Variants in PIEZO2 observed in about 807,000 individuals in gnomAD.
PIEZO2 encodes piezo type mechanosensitive ion channel component 2, also known as piezo-type mechanosensitive ion channel component 2.
In PIEZO2, 172 loss-of-function variants were observed where a neutral mutation model predicts 337.3. That is an observed-to-expected ratio of 0.51 (90% CI 0.45 to 0.58). PIEZO2 has a LOEUF of 0.58. PIEZO2 is among the 20% of genes least tolerant of loss of function. The pLI is 0.00. For missense variants in PIEZO2, 3,028 were observed against 3,391.3 expected, an observed-to-expected ratio of 0.89 and a Z score of 2.66; for synonymous variants, 1,251 against 1,228.5, an observed-to-expected ratio of 1.02 and a Z score of -0.38.
At position 10,682,136 on chromosome 18, in the gene PIEZO2, C is replaced by T. The variant is rs958875770; in HGVS notation, c.7654G>A (p.Val2552Ile). 8 of 1,536,882 alleles carry T rather than the reference C, an allele frequency of 5.2e-6. No individual in the cohort carries two copies. The highest frequency in any genetic ancestry group is 2.4e-5 in the East Asian group (1 of 40,928). ...VAGVINQPLD[V>I]SVTITLGGYQ... is the part of the protein sequence containing the mutation. Reference sequence around the variant, plus strand: ...CCTCCCAGGGTAATTGTGACGGAGACGTCCAGGGGCTGGTTGATGACCCCA... The same window carrying T: ...CCTCCCAGGGTAATTGTGACGGAGATGTCCAGGGGCTGGTTGATGACCCCA... The change falls in exon 50 of 56, where the codon GTC becomes ATC. Residue 2552 changes from valine (V) to isoleucine (I), a missense_variant. Val to Ile is a conservative substitution (Grantham distance 29). This residue lies in a region of PIEZO2 where 179 missense variants were observed against 281.8 expected (regional missense o/e 0.64). Transcript: ENST00000674853. This position sits in a 1 kb window ranked among gnomAD's most constrained non-coding sequence, Gnocchi z 5.6.
chr18:10,892,285 AAATT>A (rs764174834), intron 4 of PIEZO2, among the ~76,000 whole-genome samples: 70 of 152,308 alleles, frequency 4.6e-4, no homozygotes, highest in Non-Finnish European at 8.2e-4. Flanking sequence ...TTATAAATAA[AAATT>A]AATTAATTAA....
chr18:10,686,284 G>A (rs1360550052), intron 49 of PIEZO2, among the ~76,000 whole-genome samples: 1 of 152,168 alleles, frequency 6.6e-6, no homozygotes, highest in Admixed American at 6.5e-5. Context: ...CAGTATTCAC[G>A]TATCCCAAAC....
chr18:10,844,352 G>A (rs1464298508), intron 7 of PIEZO2, among the ~76,000 whole-genome samples: 4 of 150,850 alleles, frequency 2.7e-5, no homozygotes, highest in African/African-American at 7.3e-5. Flanking sequence ...TCTCGGAGGC[G>A]GGAGTTGCAG....
In PIEZO2 at chr18:10,870,088, C is replaced by T. The variant is rs911120330; in HGVS notation, c.492+1165G>A. ...ACAGGGTTTCACCATGTTGGCCAGG[C>T]TGGTCTCGAACTCATGACCTCAGGT... is the stretch of plus-strand genomic sequence containing the variant. On this transcript the variant is annotated intron_variant, in intron 5 of 55. Transcript: ENST00000674853. This position sits in a 1 kb window ranked among gnomAD's most constrained non-coding sequence, Gnocchi z 5.3. Among the ~76,000 whole-genome samples the T allele has an allele frequency of 2.6e-5, 4 of 152,158 alleles. No individual in the cohort carries two copies. Among genetic ancestry groups the T allele is most frequent in the Admixed American group, 2.0e-4 (3 of 15,278 alleles).
At chr18:10,925,300 G>A (rs2145157852) in intron 3 of PIEZO2, among the ~76,000 whole-genome samples, 1 of 152,234 alleles carries the variant, frequency 6.6e-6, no homozygotes, top group East Asian at 1.9e-4. Flanking sequence ...TAAATGTCAG[G>A]TATTACCTTT....
At chr18:10,786,437 A>T (rs1337946474) in intron 16 of PIEZO2, among the ~76,000 whole-genome samples, 1 of 152,174 alleles carries the variant, frequency 6.6e-6, no homozygotes, top group African/African-American at 2.4e-5. Context: ...CTTCTAAGGG[A>T]CAGAGACTTT....
chr18:10,740,873 G>T, intron 33 of PIEZO2, 158 bp downstream of exon 33: 1 of 750,914 alleles, frequency 1.3e-6, no homozygotes, highest in African/African-American at 1.7e-5. Flanking sequence ...CGGGCTCAAA[G>T]ACCCACTGAC....
chr18:10,947,656 AAGAC>A lies in PIEZO2; in HGVS notation c.286+31875_286+31878del, dbSNP rs559297159. ...GCCGAATGAAACTGTGGGGGTACAA[AAGAC>A]AGAAAGGGCACTAGAAATGGTCACT... On this transcript the variant is annotated intron_variant, in intron 3 of 55. Transcript: ENST00000674853. Among the ~76,000 whole-genome samples, 1,459 of 151,680 alleles carry A rather than the reference AAGAC, an allele frequency of 9.6e-3. 10 individuals are homozygous for A. Among genetic ancestry groups the A allele is most frequent in the Middle Eastern group, 0.017 (5 of 294 alleles).
chr18:10,974,799 CA>C (rs1374877064), intron 3 of PIEZO2, among the ~76,000 whole-genome samples: 1 of 152,214 alleles, frequency 6.6e-6, no homozygotes, highest in African/African-American at 2.4e-5. Context: ...AGAGACTACA[CA>C]AAGGCATAGC....
chr18:10,725,195 T>C (rs1222261186), intron 36 of PIEZO2: 12 of 1,551,016 alleles, frequency 7.7e-6, no homozygotes, highest in Non-Finnish European at 1.1e-5. Flanking sequence ...GCAGTTGGCA[T>C]CATTGAGGCT....
chr18:10,694,552 C>T (rs554295852), intron 47 of PIEZO2, among the ~76,000 whole-genome samples: 24 of 152,086 alleles, frequency 1.6e-4, no homozygotes, highest in Non-Finnish European at 3.2e-4. Context: ...CATCATTGAC[C>T]GGGCACAGTG....
At chr18:10,930,388 C>A (rs901466377) in intron 3 of PIEZO2, among the ~76,000 whole-genome samples, 3 of 152,228 alleles carry the variant, frequency 2.0e-5, no homozygotes, top group African/African-American at 7.2e-5. Context: ...TTAACCCTTT[C>A]AACCAATTGC....
In PIEZO2 at chr18:10,672,566, G is replaced by T; in HGVS notation, c.8345+124C>A. On this transcript the variant is annotated intron_variant, in intron 55 of 55. Coordinates refer to ENST00000674853, the MANE Select transcript of PIEZO2 (RefSeq NM_001378183.1). This position sits in a 1 kb window ranked among gnomAD's most constrained non-coding sequence, Gnocchi z 4.7. ...TGAAATAAAATGCACACAAGGATGT[G>T]TGCATTTTAATACTGCAGCTCTAAA... 9.5e-7 allele frequency: 1 copy of T among 1,048,360 alleles called. No homozygotes were observed. Among genetic ancestry groups the T allele is most frequent in the Non-Finnish European group, 1.4e-6 (1 of 718,108 alleles). 64.9% of individuals were successfully genotyped at this position (1,048,360 alleles called of 1,614,324 possible).
intron 4 of PIEZO2, among the ~76,000 whole-genome samples, chr18:10,876,160 C>A (rs2042263333): frequency 1.3e-5 from 2 of 152,212 alleles, no homozygotes; most frequent in African/African-American, 4.8e-5. Flanking sequence ...AAAGTACGTT[C>A]ATCAGAATGC....
At chr18:10,879,438 C>T (rs1254500510) in intron 4 of PIEZO2, among the ~76,000 whole-genome samples, 3 of 148,212 alleles carry the variant, frequency 2.0e-5, no homozygotes, top group Admixed American at 6.7e-5. Context: ...CGCTGTTGCC[C>T]AGGCTGGAGT....
Position 10,682,090 on chromosome 18 carries a change from T to C in PIEZO2, c.7686+14A>G. ...GGGCAAGGCTCTGGTAGGTGGGGTG[T>C]GCACAGAGATCACCTGATACCCTCC... is the stretch of plus-strand genomic sequence containing the variant. On this transcript the variant is annotated intron_variant, in intron 50 of 55. Transcript: ENST00000674853. This position sits in a 1 kb window ranked among gnomAD's most constrained non-coding sequence, Gnocchi z 5.6. 6.5e-7 allele frequency: 1 copy of C among 1,530,374 alleles called. No individual in the cohort carries two copies. The highest frequency in any genetic ancestry group is 8.7e-7 in the Non-Finnish European group (1 of 1,142,984). The allele number at this position is 1,530,374 out of a possible 1,614,324, so 94.8% of individuals were successfully genotyped here.
chr18:10,930,842 G>C (rs766231842), intron 3 of PIEZO2, among the ~76,000 whole-genome samples: 43 of 152,118 alleles, frequency 2.8e-4, no homozygotes, highest in Non-Finnish European at 5.3e-4. Flanking sequence ...TAGAGAAAGA[G>C]GTCTTTGATG....
intron 21 of PIEZO2, among the ~76,000 whole-genome samples, chr18:10,769,488 C>T (rs2038507282): frequency 6.6e-6 from 1 of 152,208 alleles, no homozygotes; most frequent in African/African-American, 2.4e-5. Flanking sequence ...AGATTATAGG[C>T]AGTACTCCCT....
At chr18:10,733,586 C>G (rs1037358393) in intron 35 of PIEZO2, among the ~76,000 whole-genome samples, 1 of 151,768 alleles carries the variant, frequency 6.6e-6, no homozygotes, top group Admixed American at 6.6e-5. Flanking sequence ...GTAGCTGGGA[C>G]TACAGGCGCC....
Sources: allele counts gnomAD v4.1 joint callset (sites outside exome capture counted in the v4.1 genomes callset), GRCh38; gene constraint gnomAD v4.1.1; regional missense constraint gnomAD v4.1.1; non-coding constraint Gnocchi (gnomAD v3.1); transcripts MANE v1.5; gene names NCBI Gene and HGNC (gene_info 2026-07-23, HGNC 2026-07-21).